Variants in WNT2B observed in about 807,000 individuals in gnomAD.
The protein encoded by WNT2B is protein Wnt-2b.
A neutral mutation model predicts 40.5 loss-of-function variants in WNT2B; 19 were observed. That is an observed-to-expected ratio of 0.47 (90% CI 0.33 to 0.69). The LOEUF (loss-of-function observed/expected upper bound fraction) is 0.69. WNT2B is among the 30% of genes least tolerant of loss of function. The pLI, the probability that WNT2B is intolerant of heterozygous loss-of-function variation, is 0.02. For synonymous variants in WNT2B, 220 were observed against 211.9 expected, an observed-to-expected ratio of 1.04 and a Z score of -0.33; for missense variants, 467 against 556.4, an observed-to-expected ratio of 0.84 and a Z score of 1.62.
At chr1:112,487,211 A>C (rs1651445225) in intron 1 of WNT2B, among the ~76,000 whole-genome samples, 3 of 152,240 alleles carry the variant, frequency 2.0e-5, no homozygotes, top group Admixed American at 2.0e-4. Flanking sequence ...AATACACACT[A>C]TATGATTCTG....
intron 1 of WNT2B, among the ~76,000 whole-genome samples, chr1:112,474,219 C>T (rs151017673): frequency 0.069 from 10,466 of 152,154 alleles, 1,211 homozygotes; most frequent in African/African-American, 0.24. Context: ...AATCTCGACT[C>T]ACTGCAACCT....
At chr1:112,500,884 C>A (rs986559449) in intron 1 of WNT2B, among the ~76,000 whole-genome samples, 1 of 152,218 alleles carries the variant, frequency 6.6e-6, no homozygotes, top group Non-Finnish European at 1.5e-5. Context: ...AAACATCTTT[C>A]TTACACTACA....
intron 1 of WNT2B, among the ~76,000 whole-genome samples, chr1:112,479,104 C>G (rs1651139531): frequency 6.6e-6 from 1 of 151,610 alleles, no homozygotes; most frequent in Admixed American, 6.6e-5. Flanking sequence ...GCCTGTAATC[C>G]CAGCTACTCA....
rs1652823528 is a variant in WNT2B, at chr1:112,520,658, G to A, written c.*149G>A. ...GAGAGTAATCCATAGGGACCATGGT[G>A]TCCTGGCTGGTTCCTTAGCCCTGGG... On this transcript the variant is annotated 3_prime_UTR_variant, in exon 5 of 5. Transcript: ENST00000369684. 2 of 808,462 alleles carry A rather than the reference G, an allele frequency of 2.5e-6. No individual in the cohort carries two copies. Among genetic ancestry groups the A allele is most frequent in the South Asian group, 3.6e-5 (2 of 55,966 alleles). 50.1% of individuals were successfully genotyped at this position (808,462 alleles called of 1,614,324 possible).
intron 1 of WNT2B, among the ~76,000 whole-genome samples, chr1:112,496,730 A>T (rs1557914277): frequency 6.6e-6 from 1 of 151,956 alleles, no homozygotes; most frequent in East Asian, 1.9e-4. Context: ...CCTCCTGAGT[A>T]GCTGGGATTA....
intron 1 of WNT2B, among the ~76,000 whole-genome samples, chr1:112,512,281 C>T (rs958531072): frequency 4.6e-5 from 7 of 152,164 alleles, no homozygotes; most frequent in Admixed American, 2.0e-4. Flanking sequence ...CTACTATGTG[C>T]CAGGCACTGT....
At chr1:112,477,552 T>C (rs1417723092) in intron 1 of WNT2B, among the ~76,000 whole-genome samples, 2 of 152,232 alleles carry the variant, frequency 1.3e-5, no homozygotes, top group African/African-American at 4.8e-5. Flanking sequence ...AATAGAGATC[T>C]ATGAACTACC....
At position 112,516,429 on chromosome 1, in the gene WNT2B, T is replaced by C. The variant is rs752926584; in HGVS notation, c.681+12T>C. On this transcript the variant is annotated intron_variant, in intron 3 of 4. Coordinates refer to ENST00000369684, the MANE Select transcript of WNT2B (RefSeq NM_024494.3). ...GCTGTGGTCGCACGGTCAGTACTCA[T>C]GTCTGTGTAAGTACACTCATATTTG... 6.2e-7 allele frequency: 1 copy of C among 1,603,778 alleles called. No homozygotes were observed. Among genetic ancestry groups the C allele is most frequent in the Non-Finnish European group, 8.5e-7 (1 of 1,174,474 alleles).
chr1:112,514,087 G>A (rs1356200582), intron 1 of WNT2B, among the ~76,000 whole-genome samples: 1 of 152,150 alleles, frequency 6.6e-6, no homozygotes, highest in Non-Finnish European at 1.5e-5. Context: ...TCTTTTAATT[G>A]TTCATATTGG....
chr1:112,481,721 A>G (rs765544485), intron 1 of WNT2B, among the ~76,000 whole-genome samples: 1 of 152,214 alleles, frequency 6.6e-6, no homozygotes, highest in Non-Finnish European at 1.5e-5. Flanking sequence ...ACATAAAAAA[A>G]TTAATCAGGC....
chr1:112,474,443 T>C (rs575923729), intron 1 of WNT2B, among the ~76,000 whole-genome samples: 2 of 152,268 alleles, frequency 1.3e-5, no homozygotes, highest in South Asian at 2.1e-4. Flanking sequence ...CCACCATGCC[T>C]GGCCAAGAGA....
chr1:112,494,993 G>A lies in WNT2B; in HGVS notation c.-94-19881G>A, dbSNP rs577318456. Among the ~76,000 whole-genome samples, 170 of 151,610 alleles carry A rather than the reference G, an allele frequency of 1.1e-3. 9 individuals carry two copies. The highest frequency in any genetic ancestry group is 4.0e-3 in the African/African-American group (164 of 40,902). ...GAAATAAATGACAGAAATAATACAA[G>A]GGATTAGAGGGAGGAACTAGTATTA... On this transcript the variant is annotated intron_variant, in intron 1 of 4. Transcript: ENST00000256640.
rs1362969838 is a variant in WNT2B at position 112,486,140 on chromosome 1, C to CACACACACAT, written c.-95+18558_-95+18559insTACACACACA. Among the ~76,000 whole-genome samples the CACACACACAT allele has an allele frequency of 4.0e-5, 6 of 151,610 alleles. No individual in the cohort carries two copies. In the East Asian group the frequency reaches 1.2e-3, roughly 29 times the overall value. The stretch of plus-strand genomic sequence containing the variant: ...CAAGATAATGAGTTTTTAACACACA[C>CACACACACAT]ACACACACACACACACACCAGGCTG... On this transcript the variant is annotated intron_variant, in intron 1 of 4. Coordinates refer to the WNT2B transcript ENST00000256640.
upstream of WNT2B, among the ~76,000 whole-genome samples, chr1:112,507,497 C>G (rs141147428): frequency 5.9e-5 from 9 of 152,178 alleles, no homozygotes; most frequent in Admixed American, 3.9e-4. Context: ...CCACTCTGCC[C>G]GCCCACAGAA....
rs1262168835 is a variant in WNT2B at position 112,523,552 on chromosome 1, G to A, written c.*3043G>A. The stretch of plus-strand genomic sequence containing the variant: ...AGCAGCAAAATGAGAACTTTATTTG[G>A]TGCAGTCAGGGCTCCATTTAGTTCC... On this transcript the variant is annotated 3_prime_UTR_variant, in exon 5 of 5. Coordinates refer to ENST00000369684, the MANE Select transcript of WNT2B (RefSeq NM_024494.3). 1 of 152,086 alleles carries A rather than the reference G, an allele frequency of 6.6e-6. No individual in the cohort carries two copies. Among genetic ancestry groups the A allele is most frequent in the Non-Finnish European group, 1.5e-5 (1 of 68,028 alleles). 9.4% of individuals were successfully genotyped at this position (152,086 alleles called of 1,614,324 possible).
At chr1:112,498,841 C>G (rs1651858484) in intron 1 of WNT2B, among the ~76,000 whole-genome samples, 1 of 152,182 alleles carries the variant, frequency 6.6e-6, no homozygotes, top group African/African-American at 2.4e-5. Flanking sequence ...CCTTAATACT[C>G]CATTCACACC....
At chr1:112,496,211 C>T (rs769484713) in intron 1 of WNT2B, among the ~76,000 whole-genome samples, 2 of 152,152 alleles carry the variant, frequency 1.3e-5, no homozygotes, top group African/African-American at 2.4e-5. Context: ...ACCTCCTGGG[C>T]TCAAGGAATC....
intron 1 of WNT2B, among the ~76,000 whole-genome samples, chr1:112,501,852 A>G (rs1202857523): frequency 6.6e-6 from 1 of 152,196 alleles, no homozygotes; most frequent in Non-Finnish European, 1.5e-5. Flanking sequence ...ACAGAAGCAA[A>G]GTAGGCCACA....
chr1:112,518,526 A>G (rs1035724984), intron 4 of WNT2B: 4 of 152,128 alleles, frequency 2.6e-5, no homozygotes, highest in Non-Finnish European at 4.4e-5. Flanking sequence ...TAGAAGAAAA[A>G]AACTTGGAGC....
Sources: allele counts gnomAD v4.1 joint callset (sites outside exome capture counted in the v4.1 genomes callset), GRCh38; gene constraint gnomAD v4.1.1; transcripts MANE v1.5; gene names NCBI Gene and HGNC (gene_info 2026-07-23, HGNC 2026-07-21).